CRIPTO: variants seen among roughly 807,000 people sequenced by gnomAD.
CRIPTO encodes protein Cripto.
the CRIPTO span, among the ~76,000 whole-genome samples, chr3:46,575,263 C>A: frequency 6.6e-6 from 1 of 152,234 alleles, no homozygotes; most frequent in African/African-American, 2.4e-5. Flanking sequence ...TTACTTCTCA[C>A]AACTGTTTCT....
the CRIPTO span, chr3:46,578,089 T>C: frequency 6.8e-7 from 1 of 1,467,850 alleles, no homozygotes; most frequent in Non-Finnish European, 9.5e-7. Flanking sequence ...TGTCATTTGA[T>C]TTTTCTCTTG....
the CRIPTO span, chr3:46,578,133 T>G: frequency 3.1e-6 from 3 of 955,514 alleles, no homozygotes; most frequent in Admixed American, 2.0e-5. Flanking sequence ...ACCGCACTGC[T>G]GTTTTTCCTG....
At chr3:46,577,888 A>T in the CRIPTO span, 2 of 1,424,178 alleles carry the variant, frequency 1.4e-6, no homozygotes, top group Admixed American at 3.3e-5. Context: ...TTAGGAGATG[A>T]ATGTTTTCCT....
chr3:46,581,199 T>G, the CRIPTO span: 2 of 1,614,236 alleles, frequency 1.2e-6, no homozygotes, highest in Non-Finnish European at 1.7e-6. Context: ...CTGCACGTAC[T>G]ACCACTTTTA....
chr3:46,581,387 A>C, the CRIPTO span: 4 of 774,428 alleles, frequency 5.2e-6, no homozygotes, highest in South Asian at 2.9e-5. Context: ...CATTTCCAAA[A>C]TGGTCTCTAA....
chr3:46,580,018 G>A, the CRIPTO span: 4 of 1,614,248 alleles, frequency 2.5e-6, no homozygotes, highest in African/African-American at 2.7e-5. Context: ...ATGCTGGCAC[G>A]GTCAGCTCCG....
the CRIPTO span, chr3:46,580,173 C>T: frequency 7.1e-7 from 1 of 1,412,718 alleles, no homozygotes; most frequent in South Asian, 1.2e-5. Context: ...GCCTGGCAGC[C>T]AAAGTTCTGC....
At chr3:46,576,586 A>G in the CRIPTO span, among the ~76,000 whole-genome samples, 1 of 151,702 alleles carries the variant, frequency 6.6e-6, no homozygotes, top group Non-Finnish European at 1.5e-5. Flanking sequence ...ACTGACGCTG[A>G]AATGGCCTCA....
the CRIPTO span, among the ~76,000 whole-genome samples, chr3:46,575,087 G>A: frequency 1.3e-5 from 2 of 152,234 alleles, no homozygotes; most frequent in African/African-American, 4.8e-5. Context: ...TCATTGGCCT[G>A]GAGGCTGGCC....
At chr3:46,577,834 G>C in the CRIPTO span, 1 of 1,031,156 alleles carries the variant, frequency 9.7e-7, no homozygotes, top group Middle Eastern at 2.6e-4. Flanking sequence ...GACCTTCTGG[G>C]GAAAACGAAT....
At chr3:46,580,119 G>C in the CRIPTO span, 1 of 1,611,258 alleles carries the variant, frequency 6.2e-7, no homozygotes. Context: ...GCCTTGGGGG[G>C]TGCTTAGTTA....
chr3:46,580,435 GC>G, the CRIPTO span, among the ~76,000 whole-genome samples: 1 of 152,090 alleles, frequency 6.6e-6, no homozygotes, highest in Non-Finnish European at 1.5e-5. Context: ...CTCATTTAGA[GC>G]CCACCCTGAC....
At chr3:46,581,054 A>G in the CRIPTO span, 1 of 1,060,564 alleles carries the variant, frequency 9.4e-7, no homozygotes, top group Non-Finnish European at 1.5e-6. Context: ...AGTAGCGTAT[A>G]GATATGCCAC....
At chr3:46,574,651 A>T in the CRIPTO span, 1 of 152,244 alleles carries the variant, frequency 6.6e-6, no homozygotes, top group Non-Finnish European at 1.5e-5. Flanking sequence ...TAGTGCAGAC[A>T]TGGCATTCTT....
chr3:46,581,425 T>C, the CRIPTO span: 1 of 662,248 alleles, frequency 1.5e-6, no homozygotes, highest in Non-Finnish European at 2.7e-6. Context: ...ACTTCTTACT[T>C]CTTTGCCCTG....
the CRIPTO span, chr3:46,581,799 C>T: frequency 1.2e-5 from 3 of 254,400 alleles, no homozygotes; most frequent in Non-Finnish European, 2.2e-5. Context: ...ACGTGAGCAA[C>T]TGTGCAAGGC....
At chr3:46,581,437 C>A in the CRIPTO span, 1 of 630,048 alleles carries the variant, frequency 1.6e-6, no homozygotes, top group South Asian at 1.9e-5. Flanking sequence ...TTTGCCCTGC[C>A]CTCTCCCAAA....
chr3:46,576,038 C>T, the CRIPTO span, among the ~76,000 whole-genome samples: 4 of 152,190 alleles, frequency 2.6e-5, no homozygotes, highest in Non-Finnish European at 4.4e-5. Flanking sequence ...CCTGAAAAGG[C>T]CACACAGGGA....
chr3:46,579,267 G>A, the CRIPTO span: 52 of 1,614,096 alleles, frequency 3.2e-5, no homozygotes, highest in East Asian at 4.7e-4. Context: ...TCCATCTCGG[G>A]GATACCTGGC....
Sources: gnomAD v4.1 joint callset for allele counts (sites outside exome capture counted in the v4.1 genomes callset) on GRCh38, gnomAD v4.1.1 for gene constraint, MANE v1.5 for transcripts, NCBI Gene and HGNC (gene_info 2026-07-23, HGNC 2026-07-21) for gene names.